Variants in SACS observed in about 807,000 individuals in gnomAD.
The protein encoded by SACS is sacsin.
SACS carries 197 observed loss-of-function variants against 348.0 expected under a neutral mutation model. The ratio of observed to expected loss-of-function variants is 0.57; its 90% CI spans 0.50 to 0.64. The LOEUF (loss-of-function observed/expected upper bound fraction) is 0.64, where lower values mean the gene tolerates loss of function less well. Ranked by LOEUF, SACS falls within the 30% of genes least tolerant of loss-of-function variation. The pLI is 0.00. For synonymous variants in SACS, 1,985 were observed against 1,910.6 expected (o/e 1.04, Z -1.02); for missense variants, 4,999 against 5,360.8 (o/e 0.93, Z 2.11).
Position 23,339,567 on chromosome 13 carries a change from G to T in SACS, c.4309C>A (p.Pro1437Thr), listed in dbSNP as rs780070054. The T allele has an allele frequency of 6.2e-7, 1 of 1,612,796 alleles. No individual in the cohort carries two copies. Among genetic ancestry groups the T allele is most frequent in the African/African-American group, 1.3e-5 (1 of 74,900 alleles). Reference protein sequence around the residue: ...PMKTAEWLKVPCLSTRLINPE... With the variant: ...PMKTAEWLKVTCLSTRLINPE... Reference sequence around the variant, plus strand: ...TTTATCAGTCTTGTACTAAGGCATGGAACTTTTAGCCATTCTGCAGTTTTC... The same window carrying T: ...TTTATCAGTCTTGTACTAAGGCATGTAACTTTTAGCCATTCTGCAGTTTTC... Residue 1437 changes from proline (P) to threonine (T), a missense_variant, in exon 10 of 10, where the codon CCA becomes ACA. Transcript: ENST00000382292.
In SACS at chr13:23,420,936, G is replaced by A. The variant is rs558342830; in HGVS notation, c.-501-9196C>T. On this transcript the variant is annotated intron_variant, in intron 1 of 9. Transcript: ENST00000382292. ...ACCTGGGGCCTCAGTGCCCACTTGG[G>A]GCCTGACATCCACTTGGGTGTTGGT... Among the ~76,000 whole-genome samples, 192 of 151,980 alleles carry A rather than the reference G, an allele frequency of 1.3e-3. 1 individual carries two copies. Among genetic ancestry groups the A allele is most frequent in the African/African-American group, 4.4e-3 (184 of 41,438 alleles).
intron 2 of SACS, among the ~76,000 whole-genome samples, chr13:23,385,011 C>T (rs530458064): frequency 1.1e-4 from 16 of 152,130 alleles, no homozygotes; most frequent in African/African-American, 3.9e-4. Flanking sequence ...CCTGTAATCC[C>T]AGGACTTTGG....
intron 7 of SACS, 59 bp from the exon 8 acceptor site, chr13:23,356,066 C>T: frequency 5.9e-6 from 8 of 1,347,674 alleles, no homozygotes; most frequent in South Asian, 1.3e-5. Context: ...ATTATGATTA[C>T]AATTATAATA....
At chr13:23,409,160 C>G (rs1202832020) in intron 2 of SACS, among the ~76,000 whole-genome samples, 19 of 143,064 alleles carry the variant, frequency 1.3e-4, no homozygotes, top group Non-Finnish European at 1.1e-4. Flanking sequence ...AGCTTCACAC[C>G]ATTCTCCTGC....
At chr13:23,382,528 T>C (rs1872102270) in intron 2 of SACS, among the ~76,000 whole-genome samples, 1 of 152,208 alleles carries the variant, frequency 6.6e-6, no homozygotes, top group Admixed American at 6.5e-5. Context: ...GTTTATTTAC[T>C]CATTAATTAT....
chr13:23,352,984 A>G (rs1176555227), intron 9 of SACS, among the ~76,000 whole-genome samples: 1 of 151,980 alleles, frequency 6.6e-6, no homozygotes, highest in African/African-American at 2.4e-5. Flanking sequence ...CATTCCATAA[A>G]AGACACATCA....
intron 9 of SACS, among the ~76,000 whole-genome samples, chr13:23,349,603 A>G (rs574049232): frequency 1.3e-5 from 2 of 152,350 alleles, no homozygotes; most frequent in African/African-American, 4.8e-5. Flanking sequence ...CTGCAATAAC[A>G]CAAACTTGGA....
At chr13:23,403,177 T>TAA (rs879882036) in intron 2 of SACS, among the ~76,000 whole-genome samples, 1 of 139,262 alleles carries the variant, frequency 7.2e-6, no homozygotes, top group African/African-American at 2.6e-5. Context: ...GACTCCACCT[T>TAA]AAAAAAAAAA....
intron 1 of SACS, among the ~76,000 whole-genome samples, chr13:23,421,936 A>G (rs1052930237): frequency 2.0e-5 from 3 of 150,798 alleles, no homozygotes; most frequent in African/African-American, 7.3e-5. Flanking sequence ...CCATGTGTCA[A>G]CTTGGGAACA....
Position 23,333,303 on chromosome 13 carries a change from A to G in SACS, c.10573T>C (p.Leu3525=). 1 of 1,605,042 alleles carries G rather than the reference A, an allele frequency of 6.2e-7. No individual in the cohort carries two copies. The change falls in exon 10 of 10, where the codon TTG becomes CTG. Residue 3525 remains leucine, a synonymous_variant. Coordinates refer to ENST00000382292, the MANE Select transcript of SACS (RefSeq NM_014363.6). ...CTACTGTTAGCATCATGGATTATCA[A>G]TAAACTTTCCAGTTTTTCAAAAAGT... ...EQLFEKLESL[L]IIHDANSRLK...
intron 1 of SACS, among the ~76,000 whole-genome samples, chr13:23,423,362 A>G (rs1180495005): frequency 6.6e-6 from 1 of 152,152 alleles, no homozygotes. Flanking sequence ...ATTTTTTAGA[A>G]CCTAAGGAAT....
chr13:23,416,944 T>C (rs1450744836), intron 1 of SACS, among the ~76,000 whole-genome samples: 2 of 151,996 alleles, frequency 1.3e-5, no homozygotes, highest in Non-Finnish European at 2.9e-5. Flanking sequence ...AACAAAACCA[T>C]CACTATTCAT....
Position 23,331,802 on chromosome 13 carries a change from T to C in SACS, c.12074A>G (p.Asn4025Ser), listed in dbSNP as rs745905654. Residue 4025 changes from asparagine (N) to serine (S), a missense_variant, in exon 10 of 10, where the codon AAT (asparagine) becomes AGT (serine). This residue lies in a region of SACS where 831 missense variants were observed against 941.8 expected (regional missense o/e 0.88). Coordinates refer to ENST00000382292, the MANE Select transcript of SACS (RefSeq NM_014363.6). ...LIRIMKHEND[N>S]AFLANEEKAI... ...TTTTTCTTCATTGGCCAGAAAAGCA[T>C]TATCATTTTCATGCTTCATAATTCT... 6.2e-7 allele frequency: 1 copy of C among 1,614,022 alleles called. No homozygotes were observed. Among genetic ancestry groups the C allele is most frequent in the Non-Finnish European group, 8.5e-7 (1 of 1,179,942 alleles).
chr13:23,386,978 C>A (rs1302667362), intron 2 of SACS, among the ~76,000 whole-genome samples: 1 of 152,104 alleles, frequency 6.6e-6, no homozygotes. Context: ...AAAACAATTA[C>A]AATAGTGACA....
Position 23,334,287 on chromosome 13 carries a change from T to C in SACS, c.9589A>G (p.Ser3197Gly). 6.2e-7 allele frequency: 1 copy of C among 1,601,622 alleles called. No individual in the cohort carries two copies. Among genetic ancestry groups the C allele is most frequent in the Non-Finnish European group, 8.5e-7 (1 of 1,173,328 alleles). Residue 3197 changes from serine to glycine, a missense_variant, in exon 10 of 10, where the codon AGT becomes GGT. Physicochemically the swap from Ser to Gly is moderately conservative, Grantham distance 56. Transcript: ENST00000382292. ...ACTTTACAGTTCAATAAAATATTAC[T>C]ATATTTCAAATATAATGTATTCATA... ...LFMNTLYLKY[S>G]NILLNCKVAK...
rs1349704721 is a variant in SACS, at chr13:23,339,780, G to A, written c.4096C>T (p.Leu1366=). The change falls in exon 10 of 10, where the codon CTG becomes TTG. Residue 1366 remains leucine, a synonymous_variant. Transcript: ENST00000382292. ...CTTGCTGGAATCTGATTGCTATACA[G>A]CCATCTGATAATATTCAACATAAGA... The part of the protein sequence containing the change: ...LHLMLNIIRW[L]YSNQIPASPN... 1.2e-6 allele frequency: 2 copies of A among 1,613,768 alleles called. No homozygotes were observed. The highest frequency in any genetic ancestry group is 1.7e-6 in the Non-Finnish European group (2 of 1,179,896).
intron 5 of SACS, among the ~76,000 whole-genome samples, chr13:23,367,369 A>G (rs1246835740): frequency 2.0e-5 from 3 of 152,214 alleles, no homozygotes; most frequent in Admixed American, 2.0e-4. Context: ...AAAGAGACCT[A>G]GTCCTGATTC....
chr13:23,409,502 C>T (rs1169930618), intron 2 of SACS, among the ~76,000 whole-genome samples: 2 of 151,110 alleles, frequency 1.3e-5, no homozygotes, highest in African/African-American at 2.4e-5. Flanking sequence ...GATTGCTCCA[C>T]CATGCCCAGC....
At chr13:23,377,093 C>A (rs1472290700) in intron 2 of SACS, among the ~76,000 whole-genome samples, 1 of 152,090 alleles carries the variant, frequency 6.6e-6, no homozygotes, top group African/African-American at 2.4e-5. Context: ...CCAGAATTGG[C>A]AAACCCATAG....
Sources: gnomAD v4.1 joint callset for allele counts (sites outside exome capture counted in the v4.1 genomes callset) on GRCh38, gnomAD v4.1.1 for gene constraint, gnomAD v4.1.1 regional missense constraint, MANE v1.5 for transcripts, NCBI Gene and HGNC (gene_info 2026-07-23, HGNC 2026-07-21) for gene names.